Variants in ATP6V1C2 observed in about 807,000 individuals in gnomAD.
ATP6V1C2 encodes ATPase H+ transporting V1 subunit C2.
In ATP6V1C2, 45 loss-of-function variants were observed where a neutral mutation model predicts 56.8. The observed-to-expected ratio is 0.79, with a 90% confidence interval of 0.62 to 1.02. The LOEUF is 1.02. Among genes scored for constraint, ATP6V1C2 ranks in the 50% least tolerant of loss-of-function variants. The pLI is 0.00. For synonymous variants in ATP6V1C2, 220 were observed against 201.3 expected, an observed-to-expected ratio of 1.09 and a Z score of -0.79; for missense variants, 463 against 519.7, an observed-to-expected ratio of 0.89 and a Z score of 1.06.
At chr2:10,766,643 C>T (rs560037523) in intron 5 of ATP6V1C2, among the ~76,000 whole-genome samples, 46 of 152,214 alleles carry the variant, frequency 3.0e-4, no homozygotes, top group African/African-American at 9.9e-4. Flanking sequence ...CTGTGGATTA[C>T]ACCCATGTCA....
intron 6 of ATP6V1C2, among the ~76,000 whole-genome samples, chr2:10,771,083 G>A (rs1221181934): frequency 6.6e-6 from 1 of 152,246 alleles, no homozygotes; most frequent in African/African-American, 2.4e-5. Flanking sequence ...CACGCAGCTG[G>A]TCAGTGATGT....
rs549451742 is a variant in ATP6V1C2 at position 10,777,578 on chromosome 2, C to A, written c.826-7C>A. 138 of 1,604,990 alleles carry A rather than the reference C, an allele frequency of 8.6e-5. 3 individuals are homozygous for A. In the South Asian group the frequency reaches 1.1e-3, roughly 13 times the overall value. On this transcript the variant is annotated splice_polypyrimidine_tract_variant and splice_region_variant and intron_variant, in intron 10 of 13. Coordinates refer to ENST00000272238, the MANE Select transcript of ATP6V1C2 (RefSeq NM_001039362.2). Reference sequence around the variant, plus strand: ...GAAAGATTAATAAATCATTTCTGTGCCTTTAGCAAACTTCCTGTGTTGCTC... The same window carrying A: ...GAAAGATTAATAAATCATTTCTGTGACTTTAGCAAACTTCCTGTGTTGCTC...
intron 4 of ATP6V1C2, among the ~76,000 whole-genome samples, chr2:10,764,022 C>A (rs560899152): frequency 6.6e-6 from 1 of 152,340 alleles, no homozygotes; most frequent in African/African-American, 2.4e-5. Flanking sequence ...CTGAAAAACG[C>A]ACCTCCCTGC....
At chr2:10,781,439 T>C (rs183914301) in intron 12 of ATP6V1C2, among the ~76,000 whole-genome samples, 1 of 151,988 alleles carries the variant, frequency 6.6e-6, no homozygotes, top group African/African-American at 2.4e-5. Context: ...GATCGCACCA[T>C]TGCACTCCAG....
intron 2 of ATP6V1C2, among the ~76,000 whole-genome samples, chr2:10,724,976 T>C (rs952521854): frequency 2.0e-5 from 3 of 152,154 alleles, no homozygotes; most frequent in African/African-American, 7.2e-5. Flanking sequence ...AATTTTTTTT[T>C]TCTTGAAATT....
In ATP6V1C2 at chr2:10,745,884, T is replaced by C. The variant is rs184503030; in HGVS notation, c.198-8097T>C. On this transcript the variant is annotated intron_variant, in intron 3 of 13. Transcript: ENST00000272238. ...AAATCATATAGTGTTTGACCTTTTC[T>C]GCCTGGCTTATTTTACTCAGCATGA... Among the ~76,000 whole-genome samples the C allele has an allele frequency of 2.4e-3, 365 of 152,346 alleles. 1 individual carries two copies. Among genetic ancestry groups the C allele is most frequent in the Non-Finnish European group, 3.8e-3 (261 of 68,040 alleles).
At chr2:10,765,484 G>T (rs2148482539) in intron 5 of ATP6V1C2, among the ~76,000 whole-genome samples, 1 of 152,366 alleles carries the variant, frequency 6.6e-6, no homozygotes, top group Admixed American at 6.5e-5. Context: ...CTGTGACTGT[G>T]GCCAAGGGTC....
In ATP6V1C2 at chr2:10,777,636, A is replaced by C. The variant is rs201507030; in HGVS notation, c.877A>C (p.Lys293Gln). ...GGGATCATCCACCTTCCCGGACCAC[A>C]AGGTTAAGGTAACCCCGCTAGGTAA... is the stretch of plus-strand genomic sequence containing the variant. The part of the protein sequence containing the change: ...KKGSSTFPDH[K>Q]VKVTPLGNPD... Residue 293 changes from lysine (K) to glutamine (Q), a missense_variant, in exon 11 of 14, where the codon AAG (lysine) becomes CAG (glutamine). Physicochemically the swap from Lys to Gln is moderately conservative, Grantham distance 53 (BLOSUM62 1). Coordinates refer to ENST00000272238, the MANE Select transcript of ATP6V1C2 (RefSeq NM_001039362.2). 4.7e-4 allele frequency: 757 copies of C among 1,614,094 alleles called. 7 individuals carry two copies. The highest frequency in any genetic ancestry group is 1.0e-4 in the Non-Finnish European group (118 of 1,179,998).
intron 8 of ATP6V1C2, among the ~76,000 whole-genome samples, 157 bp downstream of exon 8, chr2:10,772,767 G>A (rs551225968): frequency 1.8e-4 from 27 of 152,272 alleles, no homozygotes; most frequent in African/African-American, 6.0e-4. Flanking sequence ...TGTCAGGGTC[G>A]CCCACCTTGT....
At position 10,745,043 on chromosome 2, in the gene ATP6V1C2, T is replaced by TC. The variant is rs1662818612; in HGVS notation, c.198-8938_198-8937insC. Among the ~76,000 whole-genome samples the TC allele has an allele frequency of 3.3e-5, 4 of 121,692 alleles. 1 individual carries two copies. In the South Asian group the frequency reaches 8.9e-4, roughly 27 times the overall value. 79.8% of individuals were successfully genotyped at this position (121,692 alleles called of 152,430 possible). On this transcript the variant is annotated intron_variant, in intron 3 of 13. Coordinates refer to ENST00000272238, the MANE Select transcript of ATP6V1C2 (RefSeq NM_001039362.2). ...ATTACCATTTGTTTATTTATTTTCT[T>TC]TTTTTTTTTTTTTTTTCTGAGACGG...
At position 10,754,080 on chromosome 2, in the gene ATP6V1C2, C is replaced by A; in HGVS notation, c.283+14C>A. 6.3e-7 allele frequency: 1 copy of A among 1,585,904 alleles called. No homozygotes were observed. ...TGGCAAACGGAGGTAGGTAGGGCGG[C>A]CCTCTGATGTGGAGCACAATCTCCC... is the stretch of plus-strand genomic sequence containing the variant. On this transcript the variant is annotated intron_variant, in intron 4 of 13. Transcript: ENST00000272238.
chr2:10,735,493 C>T (rs1352118234), intron 3 of ATP6V1C2, among the ~76,000 whole-genome samples: 1 of 152,144 alleles, frequency 6.6e-6, no homozygotes, highest in Non-Finnish European at 1.5e-5. Context: ...TTTAATTACC[C>T]ACGTGGCTTG....
chr2:10,775,787 G>T (rs1664926104), intron 10 of ATP6V1C2, among the ~76,000 whole-genome samples: 1 of 152,200 alleles, frequency 6.6e-6, no homozygotes, highest in African/African-American at 2.4e-5. Flanking sequence ...GGGCAACTTG[G>T]AAGGAGCCTG....
chr2:10,738,832 C>T (rs1176757153), intron 3 of ATP6V1C2, among the ~76,000 whole-genome samples: 1 of 152,196 alleles, frequency 6.6e-6, no homozygotes, highest in Admixed American at 6.5e-5. Context: ...ACAGTCTGGG[C>T]ACCAGCTCCC....
At chr2:10,749,053 C>T (rs1663070683) in intron 3 of ATP6V1C2, among the ~76,000 whole-genome samples, 1 of 149,690 alleles carries the variant, frequency 6.7e-6, no homozygotes, top group Admixed American at 6.7e-5. Flanking sequence ...TCACTTGAAC[C>T]CGGGAGATGG....
intron 12 of ATP6V1C2, among the ~76,000 whole-genome samples, chr2:10,778,957 G>T (rs1222731989): frequency 6.6e-6 from 1 of 152,118 alleles, no homozygotes; most frequent in Admixed American, 6.5e-5. Context: ...GCTGGCTCCT[G>T]TCCCCACCCT....
chr2:10,783,289 A>C lies in ATP6V1C2; in HGVS notation c.*26A>C. The C allele has an allele frequency of 2.0e-6, 3 of 1,487,220 alleles. No homozygotes were observed. Among genetic ancestry groups the C allele is most frequent in the Non-Finnish European group, 2.8e-6 (3 of 1,064,962 alleles). 92.1% of individuals were successfully genotyped at this position (1,487,220 alleles called of 1,614,324 possible). On this transcript the variant is annotated 3_prime_UTR_variant, in exon 14 of 14. Coordinates refer to ENST00000272238, the MANE Select transcript of ATP6V1C2 (RefSeq NM_001039362.2). ...AAAGGCCAGCTGGCACCTCTGTCTC[A>C]TGTTCGTGCAGATTATTACAGACAC...
At chr2:10,743,307 G>A (rs1412704844) in intron 3 of ATP6V1C2, among the ~76,000 whole-genome samples, 1 of 151,016 alleles carries the variant, frequency 6.6e-6, no homozygotes, top group Non-Finnish European at 1.5e-5. Context: ...GTCTCGCTAT[G>A]TTGCTCAAGC....
chr2:10,774,748 C>G (rs1463610271), intron 8 of ATP6V1C2, 40 bp from the exon 9 acceptor site: 6 of 1,582,888 alleles, frequency 3.8e-6, no homozygotes, highest in Non-Finnish European at 5.2e-6. Flanking sequence ...CGCACAAGGC[C>G]TAGCAGTGAG....
Sources: gnomAD v4.1 joint callset for allele counts (sites outside exome capture counted in the v4.1 genomes callset) on GRCh38, gnomAD v4.1.1 for gene constraint, MANE v1.5 for transcripts, NCBI Gene and HGNC (gene_info 2026-07-23, HGNC 2026-07-21) for gene names.